The following PAPPA variants were observed in gnomAD, a reference collection of about 807,000 sequenced individuals.
PAPPA encodes the protein pappalysin 1.
In PAPPA, 60 loss-of-function variants were observed where a neutral mutation model predicts 164.0. The ratio of observed to expected loss-of-function variants is 0.37; its 90% CI spans 0.30 to 0.45. The LOEUF (loss-of-function observed/expected upper bound fraction) is 0.45. Ranked by LOEUF, PAPPA falls within the 20% of genes least tolerant of loss-of-function variation. The probability of loss-of-function intolerance (pLI) is 1.00; values close to 1 mark genes in which losing one functional copy is unlikely to be tolerated. For missense variants in PAPPA, 1,782 were observed against 2,087.3 expected, an observed-to-expected ratio of 0.85 and a Z score of 2.85; for synonymous variants, 875 against 814.1, an observed-to-expected ratio of 1.07 and a Z score of -1.27.
chr9:116,227,782 C>CA (rs1342048440), intron 6 of PAPPA, among the ~76,000 whole-genome samples: 1 of 152,098 alleles, frequency 6.6e-6, no homozygotes, highest in Non-Finnish European at 1.5e-5. Flanking sequence ...GAAACAAAGA[C>CA]AATAAGATAT....
Position 116,331,356 on chromosome 9 carries a change from G to C in PAPPA, c.3260G>C (p.Arg1087Pro). 1 of 1,584,896 alleles carries C rather than the reference G, an allele frequency of 6.3e-7. No homozygotes were observed. The highest frequency in any genetic ancestry group is 8.7e-7 in the Non-Finnish European group (1 of 1,153,486). ...SQLAQTTFWL[R>P]AYFSQPMVAA... ...CTGGCTCAGACCACTTTTTGGCTCC[G>C]GGTAAGCTGAAGCTCTGAGAGCTTT... is the stretch of plus-strand genomic sequence containing the variant. The change falls in exon 11 of 22, where the codon CGG (arginine) becomes CCG (proline). Residue 1087 changes from arginine (R) to proline (P), a missense_variant and splice_region_variant. Arg to Pro is a moderately radical substitution (Grantham distance 103). Transcript: ENST00000328252.
intron 21 of PAPPA, among the ~76,000 whole-genome samples, chr9:116,393,877 C>CTT (rs1278726502): frequency 1.3e-5 from 2 of 152,128 alleles, no homozygotes; most frequent in African/African-American, 4.8e-5. Context: ...AGATCTGAGA[C>CTT]TTATGTAGAA....
At chr9:116,213,438 G>A (rs1479693477) in intron 4 of PAPPA, among the ~76,000 whole-genome samples, 1 of 152,118 alleles carries the variant, frequency 6.6e-6, no homozygotes, top group Non-Finnish European at 1.5e-5. Flanking sequence ...AGGGTGCTGG[G>A]TATTTCCTGA....
intron 5 of PAPPA, among the ~76,000 whole-genome samples, chr9:116,222,604 A>G (rs1374163969): frequency 6.6e-6 from 1 of 152,148 alleles, no homozygotes; most frequent in East Asian, 1.9e-4. Flanking sequence ...AGAAAGACAA[A>G]TAACTGCATG....
intron 1 of PAPPA, among the ~76,000 whole-genome samples, chr9:116,184,831 C>T (rs1843950315): frequency 6.6e-6 from 1 of 152,130 alleles, no homozygotes; most frequent in Admixed American, 6.5e-5. Context: ...AATCCCTACC[C>T]TTTCTCGTCT....
At chr9:116,234,280 AGAG>A (rs1244642506) in intron 6 of PAPPA, among the ~76,000 whole-genome samples, 1 of 152,146 alleles carries the variant, frequency 6.6e-6, no homozygotes, top group Non-Finnish European at 1.5e-5. Context: ...CCCTAGGGAA[AGAG>A]GAGAAGAAAC....
intron 17 of PAPPA, among the ~76,000 whole-genome samples, chr9:116,354,515 G>A (rs1357765516): frequency 6.6e-6 from 1 of 152,184 alleles, no homozygotes; most frequent in Non-Finnish European, 1.5e-5. Flanking sequence ...AGATTTCAGT[G>A]CAGGCGTCGT....
At chr9:116,334,823 T>C (rs1361096714) in intron 12 of PAPPA, 38 bp from the exon 13 acceptor site, 1 of 1,534,822 alleles carries the variant, frequency 6.5e-7, no homozygotes, top group East Asian at 2.3e-5. Flanking sequence ...CCTTGAGTAA[T>C]GAGCCTGGCC....
rs952877573 is a variant in PAPPA, at chr9:116,401,551, C to T, written c.*4935C>T. 15 of 150,606 alleles carry T rather than the reference C, an allele frequency of 1.0e-4. No homozygotes were observed. The highest frequency in any genetic ancestry group is 6.6e-4 in the Admixed American group (10 of 15,064). The allele number at this position is 150,606 out of a possible 1,614,324, so 9.3% of individuals were successfully genotyped here. On this transcript the variant is annotated 3_prime_UTR_variant, in exon 22 of 22. Transcript: ENST00000328252. ...GATATTATATATAAATATAAATTTA[C>T]ATATATATGCACATGTATATATAGT...
rs1431355779 is a variant in PAPPA at position 116,154,611 on chromosome 9, C to A, written c.415+24C>A. ...AGGTAGGTGAGGGCGCCTCGGCGGG[C>A]GCTGCACCGTCCCTGCGGCCCCAGA... On this transcript the variant is annotated intron_variant, in intron 1 of 21. Transcript: ENST00000328252. This position sits in a 1 kb window ranked among gnomAD's most constrained non-coding sequence, Gnocchi z 5.2. The A allele has an allele frequency of 4.6e-6, 6 of 1,307,594 alleles. No individual in the cohort carries two copies. The highest frequency in any genetic ancestry group is 7.9e-5 in the Admixed American group (2 of 25,472). The allele number at this position is 1,307,594 out of a possible 1,614,324, so 81.0% of individuals were successfully genotyped here.
At chr9:116,263,981 G>A (rs922469408) in intron 7 of PAPPA, among the ~76,000 whole-genome samples, 1 of 152,146 alleles carries the variant, frequency 6.6e-6, no homozygotes, top group Non-Finnish European at 1.5e-5. Flanking sequence ...TGACTGGATA[G>A]CCCCAGTGGA....
intron 5 of PAPPA, among the ~76,000 whole-genome samples, chr9:116,225,214 C>T (rs963157981): frequency 6.6e-6 from 1 of 152,216 alleles, no homozygotes; most frequent in Non-Finnish European, 1.5e-5. Flanking sequence ...TAAAGCCAGT[C>T]ATGTGACTCA....
At chr9:116,289,432 A>G (rs1279478768) in intron 9 of PAPPA, among the ~76,000 whole-genome samples, 1 of 146,972 alleles carries the variant, frequency 6.8e-6, no homozygotes, top group African/African-American at 2.5e-5. Flanking sequence ...ATATATATAT[A>G]TAGACTTTCA....
intron 1 of PAPPA, among the ~76,000 whole-genome samples, chr9:116,179,706 C>T (rs866625633): frequency 1.3e-5 from 2 of 152,210 alleles, no homozygotes; most frequent in African/African-American, 2.4e-5. Context: ...GGTCTCCCCC[C>T]CGACTGAACC....
chr9:116,283,619 G>T (rs2118847436), intron 9 of PAPPA, among the ~76,000 whole-genome samples: 1 of 152,300 alleles, frequency 6.6e-6, no homozygotes, highest in African/African-American at 2.4e-5. Context: ...CTGACCCAAA[G>T]AGAAATCAGG....
chr9:116,317,088 A>G (rs1187719879), intron 10 of PAPPA, among the ~76,000 whole-genome samples: 1 of 152,226 alleles, frequency 6.6e-6, no homozygotes, highest in Non-Finnish European at 1.5e-5. Flanking sequence ...AAAGCTGAAT[A>G]ACAGGAGAAA....
rs759429627 is a variant in PAPPA, at chr9:116,187,497, C to A, written c.759C>A (p.Ile253=). 2.5e-6 allele frequency: 4 copies of A among 1,614,128 alleles called. No individual in the cohort carries two copies. The highest frequency in any genetic ancestry group is 2.5e-6 in the Non-Finnish European group (3 of 1,180,000). The change falls in exon 2 of 22, where the codon ATC becomes ATA. Residue 253 remains isoleucine, a synonymous_variant. Coordinates refer to ENST00000328252, the MANE Select transcript of PAPPA (RefSeq NM_002581.5). This position sits in a 1 kb window ranked among gnomAD's most constrained non-coding sequence, Gnocchi z 4.2. ...TGAATCACAACTACCGGGGCTACAT[C>A]GAGCACTTCAGTCTGTGGAAGGTGG... is the stretch of plus-strand genomic sequence containing the variant. ...SALNHNYRGY[I]EHFSLWKVAR...
At chr9:116,320,205 G>T (rs1005033003) in intron 10 of PAPPA, among the ~76,000 whole-genome samples, 3 of 151,876 alleles carry the variant, frequency 2.0e-5, no homozygotes, top group Admixed American at 1.3e-4. Context: ...TGATCATTTG[G>T]TCTGGCCAGG....
At chr9:116,294,458 T>A (rs1327888042) in intron 9 of PAPPA, among the ~76,000 whole-genome samples, 2 of 152,160 alleles carry the variant, frequency 1.3e-5, no homozygotes, top group African/African-American at 4.8e-5. Flanking sequence ...AAACCCTGGT[T>A]TGAATAGAAT....
Sources: gnomAD v4.1 joint callset for allele counts (sites outside exome capture counted in the v4.1 genomes callset) on GRCh38, gnomAD v4.1.1 for gene constraint, Gnocchi (gnomAD v3.1) non-coding constraint, MANE v1.5 for transcripts, NCBI Gene and HGNC (gene_info 2026-07-23, HGNC 2026-07-21) for gene names.